The following GLRA3 variants were observed in gnomAD, a reference collection of about 807,000 sequenced individuals.
The protein encoded by GLRA3 is glycine receptor subunit alpha-3.
In GLRA3, 44 loss-of-function variants were observed where a neutral mutation model predicts 60.4. The observed-to-expected ratio is 0.73, with a 90% CI of 0.57 to 0.94. The LOEUF is 0.94. GLRA3 is among the 40% of genes least tolerant of loss of function. The pLI, the probability that GLRA3 is intolerant of heterozygous loss-of-function variation, is 0.00. For synonymous variants in GLRA3, 223 were observed against 192.9 expected (o/e 1.16, Z -1.29); for missense variants, 508 against 564.6 (o/e 0.90, Z 1.02).
chr4:174,781,780 C>A (rs1402106048), intron 2 of GLRA3, among the ~76,000 whole-genome samples: 3 of 152,070 alleles, frequency 2.0e-5, no homozygotes, highest in African/African-American at 7.2e-5. Context: ...AGTTGAATCT[C>A]TGAATAGACC....
In GLRA3 at chr4:174,727,426, T is replaced by C. The variant is rs539200793; in HGVS notation, c.491+1049A>G. ...AATTTTAAGCCTAAGACCTCAATAT[T>C]AAGCCTACCTTGATACCTTTTAAAA... On this transcript the variant is annotated intron_variant, in intron 4 of 9. Transcript: ENST00000274093. 5.9e-5 allele frequency among the ~76,000 whole-genome samples: 9 copies of C among 152,280 alleles called. No homozygotes were observed. The South Asian group carries it at 1.7e-3, about 28-fold the overall frequency.
intron 5 of GLRA3, among the ~76,000 whole-genome samples, chr4:174,691,719 A>C (rs1319496843): frequency 6.6e-6 from 1 of 152,122 alleles, no homozygotes; most frequent in African/African-American, 2.4e-5. Context: ...GCTGGAGTGC[A>C]GTGGCGTGAT....
At chr4:174,696,116 T>A (rs774399551) in intron 5 of GLRA3, among the ~76,000 whole-genome samples, 23 of 151,432 alleles carry the variant, frequency 1.5e-4, no homozygotes, top group Admixed American at 1.4e-3. Context: ...AATGGAAAAA[T>A]ATCCCATGCT....
At chr4:174,776,150 C>A (rs1398375896) in intron 2 of GLRA3, among the ~76,000 whole-genome samples, 1 of 152,130 alleles carries the variant, frequency 6.6e-6, no homozygotes, top group Admixed American at 6.6e-5. Context: ...GAAATAACTT[C>A]TTTGATGATT....
chr4:174,751,000 T>G (rs1737451077), intron 3 of GLRA3, among the ~76,000 whole-genome samples: 1 of 151,988 alleles, frequency 6.6e-6, no homozygotes, highest in Admixed American at 6.6e-5. Context: ...TCTAGGACAG[T>G]TTCAAAACAA....
intron 7 of GLRA3, among the ~76,000 whole-genome samples, chr4:174,661,001 A>T (rs1447922062): frequency 6.6e-6 from 1 of 152,096 alleles, no homozygotes; most frequent in Non-Finnish European, 1.5e-5. Flanking sequence ...CTCCAGATTC[A>T]TCTTGTACTT....
At chr4:174,709,637 A>G (rs1279934625) in intron 5 of GLRA3, among the ~76,000 whole-genome samples, 1 of 152,062 alleles carries the variant, frequency 6.6e-6, no homozygotes, top group Non-Finnish European at 1.5e-5. Context: ...AGTATGTTGA[A>G]CTTCTGGCTT....
intron 5 of GLRA3, among the ~76,000 whole-genome samples, chr4:174,691,127 T>A (rs1227938565): frequency 6.6e-6 from 1 of 152,348 alleles, no homozygotes; most frequent in Non-Finnish European, 1.5e-5. Context: ...TTATTTACAC[T>A]CTCACTAACA....
At chr4:174,811,487 C>T (rs918462670) in intron 1 of GLRA3, among the ~76,000 whole-genome samples, 1 of 152,118 alleles carries the variant, frequency 6.6e-6, no homozygotes, top group East Asian at 1.9e-4. Flanking sequence ...AATGTCATGT[C>T]CTCCACATTG....
intron 2 of GLRA3, among the ~76,000 whole-genome samples, chr4:174,773,020 T>C (rs1299397501): frequency 1.3e-5 from 2 of 152,188 alleles, no homozygotes; most frequent in Admixed American, 6.5e-5. Context: ...AGCTTTGAAA[T>C]AGACATTCAA....
chr4:174,702,250 T>A (rs1403292644), intron 5 of GLRA3, among the ~76,000 whole-genome samples: 1 of 152,126 alleles, frequency 6.6e-6, no homozygotes, highest in Admixed American at 6.5e-5. Flanking sequence ...ACCAGGAAAA[T>A]GATTATGACT....
chr4:174,814,459 C>T (rs1740400716), intron 1 of GLRA3, among the ~76,000 whole-genome samples: 1 of 152,156 alleles, frequency 6.6e-6, no homozygotes, highest in Admixed American at 6.5e-5. Flanking sequence ...CTTCTCCTCT[C>T]TCTTTTTCTG....
chr4:174,704,265 G>T (rs1735434200), intron 5 of GLRA3, among the ~76,000 whole-genome samples: 1 of 143,706 alleles, frequency 7.0e-6, no homozygotes, highest in Non-Finnish European at 1.5e-5. Context: ...CTGCACTCCA[G>T]CGCGGGCAAC....
intron 4 of GLRA3, among the ~76,000 whole-genome samples, chr4:174,727,543 G>A (rs1253276961): frequency 6.6e-6 from 1 of 152,116 alleles, no homozygotes; most frequent in Non-Finnish European, 1.5e-5. Flanking sequence ...CATGAATTCT[G>A]TTCTTACGTC....
At chr4:174,793,065 T>C (rs889890632) in intron 1 of GLRA3, among the ~76,000 whole-genome samples, 3 of 152,212 alleles carry the variant, frequency 2.0e-5, no homozygotes, top group African/African-American at 7.2e-5. Flanking sequence ...AAGCCTCTGA[T>C]TAATTGTCAG....
At chr4:174,676,059 A>T (rs1041119811) in intron 7 of GLRA3, among the ~76,000 whole-genome samples, 1 of 152,192 alleles carries the variant, frequency 6.6e-6, no homozygotes, top group African/African-American at 2.4e-5. Context: ...AGCTATGCAG[A>T]ATTACTTAAT....
At chr4:174,669,994 A>C (rs1176027909) in intron 7 of GLRA3, among the ~76,000 whole-genome samples, 1 of 152,250 alleles carries the variant, frequency 6.6e-6, no homozygotes, top group African/African-American at 2.4e-5. Flanking sequence ...ACAACCAAAA[A>C]GACTAAAGAA....
chr4:174,828,456 C>A (rs1741068031), intron 1 of GLRA3, among the ~76,000 whole-genome samples: 1 of 152,030 alleles, frequency 6.6e-6, no homozygotes, highest in South Asian at 2.1e-4. Flanking sequence ...ACTTTAAAAG[C>A]AATTTGAGAA....
chr4:174,708,624 A>C (rs1177164609), intron 5 of GLRA3, among the ~76,000 whole-genome samples: 1 of 140,388 alleles, frequency 7.1e-6, no homozygotes, highest in Non-Finnish European at 1.5e-5. Context: ...TTTGAGATGG[A>C]GTTTCGCTCT....
Sources: allele counts gnomAD v4.1 joint callset (sites outside exome capture counted in the v4.1 genomes callset), GRCh38; gene constraint gnomAD v4.1.1; transcripts MANE v1.5; gene names NCBI Gene and HGNC (gene_info 2026-07-23, HGNC 2026-07-21).